PHKA1: variants seen among roughly 807,000 people sequenced by gnomAD.
The protein encoded by PHKA1 is phosphorylase kinase regulatory subunit alpha 1.
PHKA1 carries 60 observed loss-of-function variants against 110.2 expected under a neutral mutation model. That is an observed-to-expected ratio of 0.54 (90% CI 0.44 to 0.68). The LOEUF is 0.68. Among genes scored for constraint, PHKA1 ranks in the 30% least tolerant of loss-of-function variants. PHKA1 has a pLI of 0.00. For synonymous variants in PHKA1, 316 were observed against 333.6 expected, an observed-to-expected ratio of 0.95 and a Z score of 0.58; for missense variants, 801 against 942.5, an observed-to-expected ratio of 0.85 and a Z score of 1.97.
rs782752761 is a variant in PHKA1 at position 72,663,103 on chromosome X, TAAGG to T, written c.864+3044_864+3047del. On this transcript the variant is annotated intron_variant, in intron 8 of 31. Transcript: ENST00000373542. ...TAAAAGAAACTCAAAATTATGATCTTAAGGAAACCCAGCAAGATATAAAAGAATA... is the reference window on the plus strand; with the variant it reads ...TAAAAGAAACTCAAAATTATGATCTTAAACCCAGCAAGATATAAAAGAATA... Among the ~76,000 whole-genome samples the T allele has an allele frequency of 2.7e-5, 3 of 110,859 alleles. No individual in the cohort carries two copies. The Admixed American group carries it at 2.9e-4, about 11-fold the overall frequency.
intron 8 of PHKA1, among the ~76,000 whole-genome samples, chrX:72,661,173 A>G (rs782097260): frequency 2.0e-4 from 23 of 112,408 alleles, no homozygotes; most frequent in Admixed American, 1.8e-3. Context: ...TCATTTTTGG[A>G]GAACTTCATT....
At chrX:72,587,981 A>G (rs184177141) in intron 29 of PHKA1, among the ~76,000 whole-genome samples, 15 of 111,433 alleles carry the variant, frequency 1.3e-4, no homozygotes. Context: ...CACAATAATA[A>G]TGGCAGACTT....
At chrX:72,708,082 A>C (rs1433347110) in intron 2 of PHKA1, among the ~76,000 whole-genome samples, 1 of 111,213 alleles carries the variant, frequency 9.0e-6, no homozygotes, top group Non-Finnish European at 1.9e-5. Context: ...GTAGAAGAAG[A>C]AGCCCATAAA....
chrX:72,627,196 C>A, intron 16 of PHKA1, 147 bp from the exon 17 acceptor site: 1 of 498,520 alleles, frequency 2.0e-6, no homozygotes, highest in Admixed American at 2.8e-5. Context: ...AACAATTCAT[C>A]TGAGAGCCAA....
chrX:72,713,282 C>T (rs1556335569), intron 1 of PHKA1, among the ~76,000 whole-genome samples: 1 of 110,943 alleles, frequency 9.0e-6, no homozygotes, highest in African/African-American at 3.3e-5. Flanking sequence ...TTAAGATCTA[C>T]TCTCTTAGTA....
In PHKA1 at chrX:72,634,514, A is replaced by G. The variant is rs781938564; in HGVS notation, c.1714+641T>C. On this transcript the variant is annotated intron_variant, in intron 16 of 31. Coordinates refer to ENST00000373542, the MANE Select transcript of PHKA1 (RefSeq NM_002637.4). ...GCTCTAGTCCTCCAGGAACTGAGAGAATAATAAAGCCTTTCACCCAGTTTC... is the reference window on the plus strand; with the variant it reads ...GCTCTAGTCCTCCAGGAACTGAGAGGATAATAAAGCCTTTCACCCAGTTTC... Among the ~76,000 whole-genome samples the G allele has an allele frequency of 6.4e-5, 7 of 109,336 alleles. No individual in the cohort carries two copies. In the East Asian group the frequency reaches 2.0e-3, roughly 31 times the overall value. 94.9% of individuals were successfully genotyped at this position (109,336 alleles called of 115,157 possible). A position where few individuals can be genotyped will look rare whatever the true frequency, so the allele number is the denominator to read the frequency against.
chrX:72,585,066 G>A (rs1213063764), intron 29 of PHKA1, among the ~76,000 whole-genome samples: 6 of 109,923 alleles, frequency 5.5e-5, no homozygotes, highest in African/African-American at 2.0e-4. Context: ...GTATCCATAA[G>A]CAGATGCATA....
chrX:72,646,265 T>C (rs1381612091), intron 13 of PHKA1, among the ~76,000 whole-genome samples: 2 of 111,757 alleles, frequency 1.8e-5, no homozygotes, highest in Non-Finnish European at 3.8e-5. Flanking sequence ...GAATTGGTTG[T>C]AAGAGTAGAG....
chrX:72,609,439 C>G (rs1489431241), intron 23 of PHKA1, among the ~76,000 whole-genome samples, 185 bp downstream of exon 23: 1 of 111,946 alleles, frequency 8.9e-6, no homozygotes, highest in Non-Finnish European at 1.9e-5. Context: ...AGTTTGAGTA[C>G]TACTCTGTGA....
intron 2 of PHKA1, chrX:72,709,453 T>C (rs182716169): frequency 9.2e-6 from 1 of 108,583 alleles, no homozygotes; most frequent in African/African-American, 3.4e-5. Context: ...TTCTCTGACA[T>C]TATTTCTCAG....
chrX:72,620,367 A>G (rs1435454009), intron 19 of PHKA1, among the ~76,000 whole-genome samples: 1 of 111,980 alleles, frequency 8.9e-6, no homozygotes, highest in Non-Finnish European at 1.9e-5. Flanking sequence ...AAACAGCTCT[A>G]CATTGCTGGA....
At chrX:72,681,741 GGCCA>G (rs1373009996) in intron 5 of PHKA1, among the ~76,000 whole-genome samples, 1 of 63,652 alleles carries the variant, frequency 1.6e-5, no homozygotes, top group Non-Finnish European at 2.9e-5. Context: ...CCCTCCGCCC[GGCCA>G]GCCGCCCCAT....
At position 72,644,542 on chromosome X, in the gene PHKA1, A is replaced by G. The variant is rs141923565; in HGVS notation, c.1325-46T>C. 1.8e-3 allele frequency: 1,934 copies of G among 1,092,911 alleles called. 25 individuals carry two copies. The African/African-American group carries it at 0.032, about 18-fold the overall frequency. 90.1% of individuals were successfully genotyped at this position (1,092,911 alleles called of 1,213,427 possible). A position where few individuals can be genotyped will look rare whatever the true frequency, so the allele number is the denominator to read the frequency against. On this transcript the variant is annotated intron_variant, in intron 13 of 31. Transcript: ENST00000373542. ...GAGGTCAACAGAAAATTTTATTTCA[A>G]TAGCAACTTAACAATCTCTCAAGTT...
At chrX:72,592,643 C>T (rs1556227181) in intron 29 of PHKA1, among the ~76,000 whole-genome samples, 1 of 112,439 alleles carries the variant, frequency 8.9e-6, no homozygotes, top group African/African-American at 3.2e-5. Context: ...GTAATAACTC[C>T]TAACACAAAC....
chrX:72,625,411 T>C (rs782616075), intron 17 of PHKA1, among the ~76,000 whole-genome samples: 4 of 111,831 alleles, frequency 3.6e-5, no homozygotes, highest in African/African-American at 1.3e-4. Flanking sequence ...GGCCTCTATA[T>C]GAATTCATGT....
chrX:72,678,897 C>G (rs2053810578), intron 5 of PHKA1, among the ~76,000 whole-genome samples: 2 of 111,692 alleles, frequency 1.8e-5, no homozygotes, highest in Non-Finnish European at 3.8e-5. Flanking sequence ...CTAAACAGAG[C>G]CTGGCAGACT....
At chrX:72,613,935 A>G (rs1173789057) in intron 21 of PHKA1, among the ~76,000 whole-genome samples, 3 of 112,168 alleles carry the variant, frequency 2.7e-5, no homozygotes, top group Non-Finnish European at 5.6e-5. Context: ...ACAAATGTTA[A>G]CAACATGAAA....
chrX:72,595,663 T>A (rs782577252), intron 28 of PHKA1, among the ~76,000 whole-genome samples: 20 of 111,786 alleles, frequency 1.8e-4, no homozygotes, highest in African/African-American at 6.2e-4. Context: ...AAAGATGATA[T>A]ACAAATAGCC....
intron 8 of PHKA1, 86 bp downstream of exon 8, chrX:72,666,065 A>T: frequency 1.1e-6 from 1 of 904,315 alleles, no homozygotes; most frequent in Middle Eastern, 2.7e-4. Flanking sequence ...GAAATCACAG[A>T]CACAGGTCAT....
Sources: gnomAD v4.1 joint callset for allele counts (sites outside exome capture counted in the v4.1 genomes callset) on GRCh38, gnomAD v4.1.1 for gene constraint, MANE v1.5 for transcripts, NCBI Gene and HGNC (gene_info 2026-07-23, HGNC 2026-07-21) for gene names.